POLR3GL: variants seen among roughly 807,000 people sequenced by gnomAD.
The protein encoded by POLR3GL is DNA-directed RNA polymerase III subunit RPC7-like.
A neutral mutation model predicts 32.4 loss-of-function variants in POLR3GL; 26 were observed. The observed-to-expected ratio is 0.80, with a 90% CI of 0.59 to 1.11. The LOEUF is 1.11. POLR3GL is among the 50% of genes most tolerant of loss of function. POLR3GL has a pLI of 0.00. For synonymous variants in POLR3GL, 95 were observed against 98.7 expected (o/e 0.96, Z 0.22); for missense variants, 229 against 280.1 (o/e 0.82, Z 1.30).
At chr1:145,971,130 G>T (rs1304340583) in intron 1 of POLR3GL, among the ~76,000 whole-genome samples, 1 of 132,168 alleles carries the variant, frequency 7.6e-6, no homozygotes, top group Non-Finnish European at 1.5e-5. Context: ...AAGTTGCAGT[G>T]AGCCGAGATC....
At chr1:145,964,854 T>C (rs1649949854) in intron 1 of POLR3GL, 86 bp downstream of exon 1, 1 of 152,324 alleles carries the variant, frequency 6.6e-6, no homozygotes, top group South Asian at 2.1e-4. Flanking sequence ...TTCCGTCAGG[T>C]TGTTGGATCA....
At chr1:145,970,560 G>T (rs1442001843) in intron 1 of POLR3GL, among the ~76,000 whole-genome samples, 1 of 152,000 alleles carries the variant, frequency 6.6e-6, no homozygotes, top group Non-Finnish European at 1.5e-5. Flanking sequence ...ATTTGTCCCA[G>T]TGCACAGTTT....
intron 1 of POLR3GL, among the ~76,000 whole-genome samples, chr1:145,972,673 A>AT (rs1357003249): frequency 4.0e-5 from 6 of 151,470 alleles, no homozygotes; most frequent in African/African-American, 1.5e-4. Context: ...CAATATGTTT[A>AT]TTTTTTTCGT....
rs932130590 is a variant in POLR3GL at position 145,978,501 on chromosome 1, C to T, written c.*54C>T. On this transcript the variant is annotated 3_prime_UTR_variant, in exon 8 of 8. Coordinates refer to ENST00000369314, the MANE Select transcript of POLR3GL (RefSeq NM_032305.3). ...TTTAGGATACAGAGAGTAACTGTACCTATTATTTGTTTCTTCAGACAAGCA... is the reference window on the plus strand; with the variant it reads ...TTTAGGATACAGAGAGTAACTGTACTTATTATTTGTTTCTTCAGACAAGCA... The T allele has an allele frequency of 3.5e-6, 4 of 1,129,220 alleles. No homozygotes were observed. Among genetic ancestry groups the T allele is most frequent in the Non-Finnish European group, 5.3e-6 (4 of 752,320 alleles). The allele number at this position is 1,129,220 out of a possible 1,614,324, so 70.0% of individuals were successfully genotyped here.
intron 2 of POLR3GL, 22 bp downstream of exon 2, chr1:145,975,013 C>T: frequency 6.6e-7 from 1 of 1,507,130 alleles, no homozygotes; most frequent in South Asian, 1.4e-5. Flanking sequence ...CACTCCCTTC[C>T]CAGACTCTCA....
chr1:145,972,012 A>ATATGTGTG (rs782186587), intron 1 of POLR3GL, among the ~76,000 whole-genome samples: 4 of 112,602 alleles, frequency 3.6e-5, no homozygotes, highest in South Asian at 2.8e-4. Flanking sequence ...ATATATATAT[A>ATATGTGTG]CGTGTGTGTG....
In POLR3GL at chr1:145,977,140, G is replaced by A. The variant is rs1553763534; in HGVS notation, c.313G>A (p.Asp105Asn). The A allele has an allele frequency of 3.7e-6, 6 of 1,613,576 alleles. No homozygotes were observed. The highest frequency in any genetic ancestry group is 3.3e-5 in the South Asian group (3 of 91,076). Residue 105 changes from aspartate to asparagine, a missense_variant, in exon 4 of 8, where the codon GAT becomes AAT. By Grantham distance (23) the Asp-to-Asn change is conservative. Coordinates refer to ENST00000369314, the MANE Select transcript of POLR3GL (RefSeq NM_032305.3). ...QMSGPIDNAI[D>N]WNPDWRRLPR... Reference sequence around the variant, plus strand: ...GTCAGGTCCGATTGACAATGCCATCGATTGGAACCCTGGTAGGTGATGGGC... The same window carrying A: ...GTCAGGTCCGATTGACAATGCCATCAATTGGAACCCTGGTAGGTGATGGGC...
chr1:145,975,237 G>A (rs879998065), intron 2 of POLR3GL, 70 bp from the exon 3 acceptor site: 14 of 1,571,566 alleles, frequency 8.9e-6, no homozygotes, highest in Non-Finnish European at 1.2e-5. Flanking sequence ...GACTAAATTG[G>A]GAGGAGGGGT....
At chr1:145,969,514 G>A (rs1437986550) in intron 1 of POLR3GL, among the ~76,000 whole-genome samples, 6 of 150,790 alleles carry the variant, frequency 4.0e-5, no homozygotes, top group African/African-American at 7.3e-5. Flanking sequence ...CACCTGCCTC[G>A]GCCTCCCAAA....
chr1:145,977,671 T>C (rs1239708035), intron 5 of POLR3GL, 107 bp from the exon 6 acceptor site: 4 of 1,321,320 alleles, frequency 3.0e-6, no homozygotes, highest in African/African-American at 2.9e-5. Context: ...CTAGATGTCA[T>C]AGTGGCCACA....
intron 1 of POLR3GL, among the ~76,000 whole-genome samples, chr1:145,971,148 T>G (rs1650269225): frequency 1.6e-5 from 2 of 125,258 alleles, no homozygotes; most frequent in Non-Finnish European, 3.1e-5. Context: ...ATCGCGCCAT[T>G]GCACTCCAGC....
Position 145,974,832 on chromosome 1 carries a change from C to G in POLR3GL, c.-34C>G. On this transcript the variant is annotated 5_prime_UTR_variant, in exon 2 of 8. Coordinates refer to ENST00000369314, the MANE Select transcript of POLR3GL (RefSeq NM_032305.3). Reference sequence around the variant, plus strand: ...TGTTTTTGTCTTTATTAGGTTTATTCACTGGATCTCTGAATACCCAGGCCC... The same window carrying G: ...TGTTTTTGTCTTTATTAGGTTTATTGACTGGATCTCTGAATACCCAGGCCC... The G allele has an allele frequency of 6.7e-7, 1 of 1,486,546 alleles. No homozygotes were observed. The highest frequency in any genetic ancestry group is 1.4e-5 in the South Asian group (1 of 70,540). 92.1% of individuals were successfully genotyped at this position (1,486,546 alleles called of 1,614,324 possible).
At chr1:145,977,915 T>A in intron 6 of POLR3GL, 64 bp downstream of exon 6, 1 of 1,613,840 alleles carries the variant, frequency 6.2e-7, no homozygotes, top group Non-Finnish European at 8.5e-7. Context: ...TCTTGGCCCA[T>A]GTGTGCCTCA....
chr1:145,965,018 T>G (rs1649955735), intron 1 of POLR3GL, among the ~76,000 whole-genome samples: 1 of 152,204 alleles, frequency 6.6e-6, no homozygotes, highest in South Asian at 2.1e-4. Flanking sequence ...TAGCATCAAC[T>G]TCCCCCTAAT....
At chr1:145,972,620 A>T (rs1185956219) in intron 1 of POLR3GL, among the ~76,000 whole-genome samples, 1 of 152,090 alleles carries the variant, frequency 6.6e-6, no homozygotes, top group East Asian at 1.9e-4. Flanking sequence ...GGCCATTGGG[A>T]ACTTTTTCAG....
intron 1 of POLR3GL, among the ~76,000 whole-genome samples, chr1:145,965,771 A>G (rs1177005135): frequency 2.6e-5 from 4 of 152,232 alleles, no homozygotes; most frequent in Admixed American, 1.3e-4. Flanking sequence ...CAAATATTCT[A>G]AATAAGAAAT....
intron 1 of POLR3GL, among the ~76,000 whole-genome samples, chr1:145,971,921 C>T (rs1159812362): frequency 2.5e-4 from 29 of 117,356 alleles, no homozygotes; most frequent in Admixed American, 6.4e-4. Flanking sequence ...GCTGAGATTG[C>T]GCCACTGCAC....
intron 7 of POLR3GL, 106 bp downstream of exon 7, chr1:145,978,202 G>A (rs587634488): frequency 1.1e-5 from 17 of 1,485,248 alleles, no homozygotes; most frequent in Admixed American, 4.3e-5. Flanking sequence ...GCCCCCCAGG[G>A]TAGGGGCTTC....
At chr1:145,968,977 C>T (rs1650159537) in intron 1 of POLR3GL, among the ~76,000 whole-genome samples, 1 of 152,152 alleles carries the variant, frequency 6.6e-6, no homozygotes, top group African/African-American at 2.4e-5. Context: ...GCCATTGTTT[C>T]CTCAATTTTT....
Sources: gnomAD v4.1 joint callset for allele counts (sites outside exome capture counted in the v4.1 genomes callset) on GRCh38, gnomAD v4.1.1 for gene constraint, MANE v1.5 for transcripts, NCBI Gene and HGNC (gene_info 2026-07-23, HGNC 2026-07-21) for gene names.